ZNF169: variants seen among roughly 807,000 people sequenced by gnomAD.
The protein encoded by ZNF169 is zinc finger protein 169.
Under a neutral mutation model 12.0 loss-of-function variants are expected in ZNF169, and 11 were observed. The ratio of observed to expected loss-of-function variants is 0.92; its 90% CI spans 0.58 to 1.52. The LOEUF is 1.52. Ranked by LOEUF, ZNF169 falls within the 40% of genes most tolerant of loss-of-function variation. The pLI is 0.00. For synonymous variants in ZNF169, 302 were observed against 286.5 expected (o/e 1.05, Z -0.55); for missense variants, 722 against 744.0 (o/e 0.97, Z 0.34).
intron 1 of ZNF169, among the ~76,000 whole-genome samples, chr9:94,273,579 C>CTT (rs56165942): frequency 0.035 from 4,123 of 118,986 alleles, 147 homozygotes; most frequent in Non-Finnish European, 0.053. Context: ...TTCTTTCTTT[C>CTT]TTTTTTTTTT....
In ZNF169 at chr9:94,271,138, T is replaced by C. The variant is rs149120674; in HGVS notation, c.-55-7620T>C. 5.2e-3 allele frequency among the ~76,000 whole-genome samples: 772 copies of C among 148,364 alleles called. 7 individuals are homozygous for C. The highest frequency in any genetic ancestry group is 0.018 in the African/African-American group (740 of 40,130). On this transcript the variant is annotated intron_variant, in intron 1 of 4. Coordinates refer to ENST00000395395, the MANE Select transcript of ZNF169 (RefSeq NM_194320.4). Reference sequence around the variant, plus strand: ...TTTGAGACAGGATCTCACTCTTGCCTAGGCCAGAATGCAGTAGCACGATCA... The same window carrying C: ...TTTGAGACAGGATCTCACTCTTGCCCAGGCCAGAATGCAGTAGCACGATCA...
At chr9:94,265,021 GT>G (rs55756013) in intron 1 of ZNF169, among the ~76,000 whole-genome samples, 2,701 of 90,602 alleles carry the variant, frequency 0.03, 107 homozygotes, top group African/African-American at 0.12. Flanking sequence ...TCTGTACCCT[GT>G]TTTTTTTTTT....
At chr9:94,292,640 T>TTTGTGTGC in intron 3 of ZNF169, 173 bp downstream of exon 3, 1 of 740,058 alleles carries the variant, frequency 1.4e-6, no homozygotes, top group Non-Finnish European at 2.1e-6. Flanking sequence ...TGTGTGTGTG[T>TTTGTGTGC]GCGCGTGCAC....
intron 1 of ZNF169, among the ~76,000 whole-genome samples, chr9:94,270,196 T>A (rs984314358): frequency 6.6e-6 from 1 of 152,184 alleles, no homozygotes; most frequent in Admixed American, 6.5e-5. Flanking sequence ...ACTGAAGCAG[T>A]TGTTAGTGAT....
intron 4 of ZNF169, among the ~76,000 whole-genome samples, chr9:94,298,855 A>G (rs1831001456): frequency 6.6e-6 from 1 of 152,158 alleles, no homozygotes; most frequent in Admixed American, 6.5e-5. Context: ...AATTAGTGTT[A>G]TCTCCAATTG....
chr9:94,268,450 A>G (rs1830330760), intron 1 of ZNF169, among the ~76,000 whole-genome samples: 1 of 152,190 alleles, frequency 6.6e-6, no homozygotes, highest in African/African-American at 2.4e-5. Flanking sequence ...TGCTTTCTGT[A>G]TAATTTTTAT....
chr9:94,263,125 G>A (rs996170386), intron 1 of ZNF169, among the ~76,000 whole-genome samples: 1 of 150,476 alleles, frequency 6.6e-6, no homozygotes, highest in Non-Finnish European at 1.5e-5. Flanking sequence ...TTCAAATCTT[G>A]TATTTCCTTA....
chr9:94,263,467 A>G (rs573954512), intron 1 of ZNF169, among the ~76,000 whole-genome samples: 3 of 145,528 alleles, frequency 2.1e-5, no homozygotes, highest in African/African-American at 2.5e-5. Flanking sequence ...CAACTGACCT[A>G]TGTCTTTATA....
At chr9:94,277,936 A>AC (rs892949368) in intron 1 of ZNF169, among the ~76,000 whole-genome samples, 1 of 148,148 alleles carries the variant, frequency 6.8e-6, no homozygotes, top group Non-Finnish European at 1.5e-5. Context: ...CGACTCAAAA[A>AC]AAAAAAGAAA....
chr9:94,293,119 A>C, intron 4 of ZNF169, 50 bp downstream of exon 4: 4 of 1,517,138 alleles, frequency 2.6e-6, no homozygotes, highest in South Asian at 1.1e-5. Flanking sequence ...TGAGGAGCTC[A>C]GCAGGTAAGG....
Position 94,301,472 on chromosome 9 carries a change from G to C in ZNF169, c.*102G>C. The stretch of plus-strand genomic sequence containing the variant: ...AAAAAAAATGTTGCTTTCTTTCATC[G>C]ATCATGAGATAGTTGATTTTTGGTT... On this transcript the variant is annotated 3_prime_UTR_variant, in exon 5 of 5. Transcript: ENST00000395395. 2.8e-6 allele frequency: 4 copies of C among 1,444,630 alleles called. No individual in the cohort carries two copies. The highest frequency in any genetic ancestry group is 3.6e-6 in the Non-Finnish European group (4 of 1,096,308). The allele number at this position is 1,444,630 out of a possible 1,614,324, so 89.5% of individuals were successfully genotyped here. A position where few individuals can be genotyped will look rare whatever the true frequency, so the allele number is the denominator to read the frequency against.
chr9:94,277,528 T>A (rs888691794), intron 1 of ZNF169, among the ~76,000 whole-genome samples: 1 of 152,048 alleles, frequency 6.6e-6, no homozygotes, highest in Non-Finnish European at 1.5e-5. Flanking sequence ...CAGAGTCAGA[T>A]TGGAAAGTAA....
intron 4 of ZNF169, among the ~76,000 whole-genome samples, chr9:94,298,677 C>T (rs1325079956): frequency 6.8e-6 from 1 of 147,540 alleles, no homozygotes; most frequent in Non-Finnish European, 1.5e-5. Context: ...TGCAGTCAGC[C>T]AAGATCACGC....
chr9:94,282,809 G>T (rs1015560886), intron 2 of ZNF169, among the ~76,000 whole-genome samples: 6 of 151,890 alleles, frequency 4.0e-5, no homozygotes, highest in Admixed American at 3.9e-4. Context: ...TTTATTTAGG[G>T]GTTCACTCCT....
intron 2 of ZNF169, 116 bp downstream of exon 2, chr9:94,278,961 CA>C (rs1830570972): frequency 2.0e-6 from 2 of 991,144 alleles, no homozygotes; most frequent in Non-Finnish European, 3.0e-6. Flanking sequence ...AGGCGTGACT[CA>C]TCTTATCTGG....
At chr9:94,272,810 C>T (rs960490071) in intron 1 of ZNF169, among the ~76,000 whole-genome samples, 9 of 152,106 alleles carry the variant, frequency 5.9e-5, no homozygotes, top group Admixed American at 5.2e-4. Flanking sequence ...GTAGTGGCTA[C>T]ACCATTTTAC....
intron 1 of ZNF169, among the ~76,000 whole-genome samples, chr9:94,278,442 A>G (rs1016666079): frequency 1.3e-5 from 2 of 152,102 alleles, no homozygotes; most frequent in Non-Finnish European, 2.9e-5. Context: ...GAGGCATTTT[A>G]TTTTTTAACA....
At chr9:94,270,704 AT>A (rs376147383) in intron 1 of ZNF169, among the ~76,000 whole-genome samples, 36,419 of 78,050 alleles carry the variant, frequency 0.47, 10,519 homozygotes, top group Middle Eastern at 0.64. Context: ...AATTTATATA[AT>A]TATATAATAT....
At chr9:94,288,589 T>A in intron 2 of ZNF169, 1 of 431,446 alleles carries the variant, frequency 2.3e-6, no homozygotes, top group East Asian at 5.5e-5. Flanking sequence ...GAGGCAGCTA[T>A]GACAGGGGCT....
Sources: gnomAD v4.1 joint callset for allele counts (sites outside exome capture counted in the v4.1 genomes callset) on GRCh38, gnomAD v4.1.1 for gene constraint, MANE v1.5 for transcripts, NCBI Gene and HGNC (gene_info 2026-07-23, HGNC 2026-07-21) for gene names.